The following RIF1 variants were observed in gnomAD, a reference collection of about 807,000 sequenced individuals.
The protein encoded by RIF1 is replication timing regulatory factor 1.
In RIF1, 45 loss-of-function variants were observed where a neutral mutation model predicts 247.1. The observed-to-expected ratio is 0.18, with a 90% CI of 0.14 to 0.23. RIF1 has a LOEUF of 0.23. Ranked by LOEUF, RIF1 falls within the 10% of genes least tolerant of loss-of-function variation. RIF1 has a pLI of 1.00. For synonymous variants in RIF1, 1,087 were observed against 978.8 expected (o/e 1.11, Z -2.06); for missense variants, 2,967 against 2,862.5 (o/e 1.04, Z -0.83).
At chr2:151,453,673 A>G (rs1694732909) in intron 21 of RIF1, among the ~76,000 whole-genome samples, 1 of 151,768 alleles carries the variant, frequency 6.6e-6, no homozygotes, top group Non-Finnish European at 1.5e-5. Context: ...TTCAGGGTCC[A>G]TTCATTACTG....
At chr2:151,527,638 A>G in the RIF1 span, 2 of 1,306,420 alleles carry the variant, frequency 1.5e-6, no homozygotes, top group East Asian at 2.4e-5. Context: ...CTAAATTCAT[A>G]AACACACACA....
At chr2:151,497,866 T>C in intron 10 of RIF1, 1 of 1,508,146 alleles carries the variant, frequency 6.6e-7, no homozygotes, top group Non-Finnish European at 8.8e-7. Context: ...GTGGAAGCTG[T>C]TGTTGGGATA....
chr2:151,506,706 G>A (rs529504738), intron 13 of RIF1, among the ~76,000 whole-genome samples: 2 of 152,286 alleles, frequency 1.3e-5, no homozygotes, highest in South Asian at 2.1e-4. Flanking sequence ...TAAAAGTTAC[G>A]TTGTTAGCAG....
At chr2:151,471,379 T>C (rs1697800409) in intron 34 of RIF1, among the ~76,000 whole-genome samples, 1 of 152,218 alleles carries the variant, frequency 6.6e-6, no homozygotes, top group Admixed American at 6.5e-5. Flanking sequence ...TTTAGTTAGA[T>C]CCCATTTGTC....
Position 151,446,595 on chromosome 2 carries a change from A to C in RIF1, c.2244+20A>C, listed in dbSNP as rs753885585. The stretch of plus-strand genomic sequence containing the variant: ...TTTTCTGTGAGTTTGTCCTGATGCT[A>C]CCTTTTTTTGTTTGTTTTTAAAGGA... On this transcript the variant is annotated intron_variant, in intron 20 of 35. Transcript: ENST00000444746. The C allele has an allele frequency of 1.2e-6, 2 of 1,600,948 alleles. No individual in the cohort carries two copies. Among genetic ancestry groups the C allele is most frequent in the African/African-American group, 2.7e-5 (2 of 73,834 alleles).
At chr2:151,514,543 T>G in the RIF1 span, 2 of 836,072 alleles carry the variant, frequency 2.4e-6, no homozygotes, top group Non-Finnish European at 4.0e-6. Context: ...GTTTAGTAAG[T>G]AAAAATATGA....
At chr2:151,421,386 A>C (rs547973032) in intron 7 of RIF1, among the ~76,000 whole-genome samples, 1 of 152,334 alleles carries the variant, frequency 6.6e-6, no homozygotes, top group African/African-American at 2.4e-5. Flanking sequence ...CAAGAGAACT[A>C]TGAGGGCAAA....
intron 11 of RIF1, chr2:151,502,853 G>A: frequency 6.2e-7 from 1 of 1,605,766 alleles, no homozygotes; most frequent in East Asian, 2.2e-5. Context: ...TAGGTGTTGG[G>A]ATTCCTTTCC....
chr2:151,519,608 A>T, the RIF1 span: 2 of 1,378,812 alleles, frequency 1.5e-6, no homozygotes, highest in Non-Finnish European at 2.1e-6. Context: ...AAAAACAGTT[A>T]AAATGGCAAA....
chr2:151,434,889 G>A (rs947256498), intron 10 of RIF1, among the ~76,000 whole-genome samples: 5 of 152,098 alleles, frequency 3.3e-5, no homozygotes, highest in Non-Finnish European at 5.9e-5. Context: ...TAGCTGCATA[G>A]CAGGGAATGC....
chr2:151,442,794 G>A (rs1340924065), intron 16 of RIF1, among the ~76,000 whole-genome samples: 2 of 111,274 alleles, frequency 1.8e-5, no homozygotes, highest in African/African-American at 3.3e-5. Flanking sequence ...TTTTTTTTGA[G>A]ACAGAGTCAG....
the RIF1 span, among the ~76,000 whole-genome samples, chr2:151,528,995 T>A: frequency 6.6e-6 from 1 of 152,218 alleles, no homozygotes; most frequent in Non-Finnish European, 1.5e-5. Flanking sequence ...ATCCATGGCA[T>A]GGGATGAAGC....
At position 151,482,086 on chromosome 2, in the gene RIF1, CTG is replaced by C. The variant is rs2049193353; in HGVS notation, c.*7017_*7018del. The C allele has an allele frequency of 6.6e-6, 1 of 152,180 alleles. No individual in the cohort carries two copies. The highest frequency in any genetic ancestry group is 6.6e-5 in the Admixed American group (1 of 15,266). The allele number at this position is 152,180 out of a possible 1,614,324, so 9.4% of individuals were successfully genotyped here. ...CTTTTCATGAATCATTGAGGGTTAA[CTG>C]TTATCACTTGCCAATGGAAACTGGA... On this transcript the variant is annotated 3_prime_UTR_variant, in exon 36 of 36. Coordinates refer to ENST00000444746, the MANE Select transcript of RIF1 (RefSeq NM_018151.5).
chr2:151,418,021 A>G (rs573569791), intron 6 of RIF1, among the ~76,000 whole-genome samples: 28 of 151,260 alleles, frequency 1.9e-4, no homozygotes, highest in African/African-American at 6.9e-4. Flanking sequence ...GTACACCTGT[A>G]TCTCACACTT....
chr2:151,518,271 T>C, the RIF1 span: 2 of 1,318,298 alleles, frequency 1.5e-6, no homozygotes, highest in South Asian at 1.2e-5. Context: ...CACATTGTAC[T>C]GTGGATGAAT....
chr2:151,506,697 A>G (rs2069257150), intron 13 of RIF1, among the ~76,000 whole-genome samples: 1 of 152,246 alleles, frequency 6.6e-6, no homozygotes, highest in Non-Finnish European at 1.5e-5. Context: ...ATTTAAAAAT[A>G]AAAGTTACGT....
Position 151,458,833 on chromosome 2 carries a change from C to A in RIF1, c.2878C>A (p.Gln960Lys), listed in dbSNP as rs758181111. 21 of 1,612,136 alleles carry A rather than the reference C, an allele frequency of 1.3e-5. No homozygotes were observed. In the Admixed American group the frequency reaches 3.2e-4, roughly 24 times the overall value. Residue 960 changes from glutamine to lysine, a missense_variant, in exon 25 of 36, where the codon CAA (glutamine) becomes AAA (lysine). Physicochemically the swap from Gln to Lys is moderately conservative, Grantham distance 53. Around this residue, in one of 7 missense-constraint regions of RIF1, gnomAD observed 2,028 missense variants for 1,825.6 expected, o/e 1.11. Transcript: ENST00000444746. ...AAGACCAGTACTAACACAAGCCAAA[C>A]AAAAATTTCTGCTCCTGTTGCCTGG... ...ELKPVLTQAK[Q>K]KFLLLLPGLE...
At chr2:151,450,949 G>C (rs1279985500) in intron 20 of RIF1, among the ~76,000 whole-genome samples, 2 of 152,162 alleles carry the variant, frequency 1.3e-5, no homozygotes, top group Non-Finnish European at 2.9e-5. Context: ...TAATTTTCAA[G>C]AGGAATTTGA....
At chr2:151,525,821 G>A in the RIF1 span, 1 of 766,598 alleles carries the variant, frequency 1.3e-6, no homozygotes, top group South Asian at 1.5e-5. Context: ...AAAAGTCAGA[G>A]TTTAAGATTC....
Sources: gnomAD v4.1 joint callset for allele counts (sites outside exome capture counted in the v4.1 genomes callset) on GRCh38, gnomAD v4.1.1 for gene constraint, gnomAD v4.1.1 regional missense constraint, MANE v1.5 for transcripts, NCBI Gene and HGNC (gene_info 2026-07-23, HGNC 2026-07-21) for gene names.